Variants in TRPM1 observed in about 807,000 individuals in gnomAD.
TRPM1 encodes the protein transient receptor potential cation channel subfamily M member 1.
TRPM1 carries 113 observed loss-of-function variants against 149.4 expected under a neutral mutation model. The ratio of observed to expected loss-of-function variants is 0.76; its 90% CI spans 0.65 to 0.88. The LOEUF (loss-of-function observed/expected upper bound fraction) is 0.88, where lower values mean the gene tolerates loss of function less well. Ranked by LOEUF, TRPM1 falls within the 40% of genes least tolerant of loss-of-function variation. The pLI is 0.00. For missense variants in TRPM1, 1,976 were observed against 2,038.7 expected (o/e 0.97, Z 0.59); for synonymous variants, 741 against 759.5 (o/e 0.98, Z 0.40).
chr15:31,026,164 C>G lies in TRPM1; in HGVS notation c.3604G>C (p.Glu1202Gln), dbSNP rs1476697737. The G allele has an allele frequency of 6.2e-7, 1 of 1,611,968 alleles. No individual in the cohort carries two copies. Among genetic ancestry groups the G allele is most frequent in the African/African-American group, 1.3e-5 (1 of 74,934 alleles). Reference sequence around the variant, plus strand: ...CTTTCAGAAGTGACCCGGATGCGCTCGTCGCTGGACGACTGCTGCTCATCC... The same window carrying G: ...CTTTCAGAAGTGACCCGGATGCGCTGGTCGCTGGACGACTGCTGCTCATCC... ...KEDEQQSSSD[E>Q]RIRVTSERVE... The change falls in exon 27 of 28, where the codon GAG becomes CAG. Residue 1202 changes from glutamate to glutamine, a missense_variant. By Grantham distance (29) the Glu-to-Gln change is conservative. Around this residue, in one of 3 missense-constraint regions of TRPM1, gnomAD observed 572 missense variants for 578.9 expected, o/e 0.99. Coordinates refer to ENST00000256552, the MANE Select transcript of TRPM1 (RefSeq NM_001252024.2).
At chr15:31,113,465 G>A (rs4779825) in intron 1 of TRPM1, among the ~76,000 whole-genome samples, 61,675 of 151,374 alleles carry the variant, frequency 0.41, 13,209 homozygotes, top group East Asian at 0.73. Context: ...AAGGTATAGA[G>A]ATAAAAATGG....
intron 1 of TRPM1, among the ~76,000 whole-genome samples, chr15:31,108,302 C>A (rs1361596871): frequency 2.0e-5 from 3 of 152,094 alleles, no homozygotes; most frequent in Admixed American, 2.0e-4. Context: ...GGTCCATGTG[C>A]ACATGATAAG....
chr15:31,097,888 A>C (rs1200420912), intron 1 of TRPM1, among the ~76,000 whole-genome samples: 1 of 152,228 alleles, frequency 6.6e-6, no homozygotes, highest in Non-Finnish European at 1.5e-5. Flanking sequence ...ATGAGAGCTG[A>C]AAACGAGGTG....
At chr15:31,019,793 A>C (rs915764590) in intron 27 of TRPM1, among the ~76,000 whole-genome samples, 18 of 151,432 alleles carry the variant, frequency 1.2e-4, no homozygotes, top group African/African-American at 4.1e-4. Context: ...TTGGCCTCCC[A>C]AAGTGCTGGG....
upstream of TRPM1, among the ~76,000 whole-genome samples, chr15:31,105,815 C>T (rs1346649689): frequency 2.6e-5 from 4 of 152,120 alleles, no homozygotes; most frequent in East Asian, 1.9e-4. Context: ...ACAGCGAGTT[C>T]GGGGAACACA....
Position 31,029,363 on chromosome 15 carries a change from A to G in TRPM1, c.3148+8T>C, listed in dbSNP as rs1353867377. ...TAGACTAGAATAATCAATTCCATGT[A>G]AACTTACGATTAATTTCCATGGCGT... On this transcript the variant is annotated splice_region_variant and intron_variant, in intron 24 of 27. Transcript: ENST00000256552. 1 of 1,613,702 alleles carries G rather than the reference A, an allele frequency of 6.2e-7. No homozygotes were observed. The highest frequency in any genetic ancestry group is 1.1e-5 in the South Asian group (1 of 91,070).
At chr15:31,129,751 T>C (rs528684909) in intron 1 of TRPM1, among the ~76,000 whole-genome samples, 5 of 152,204 alleles carry the variant, frequency 3.3e-5, no homozygotes, top group African/African-American at 4.8e-5. Context: ...TTTGGGGGCA[T>C]CTGACACCCG....
chr15:31,102,336 G>T (rs954039386), upstream of TRPM1, among the ~76,000 whole-genome samples: 5 of 152,214 alleles, frequency 3.3e-5, no homozygotes, highest in African/African-American at 1.2e-4. Context: ...CAGTATGCGT[G>T]GTTATTCCAG....
chr15:31,112,081 A>T (rs553254751), intron 1 of TRPM1, among the ~76,000 whole-genome samples: 5 of 152,364 alleles, frequency 3.3e-5, no homozygotes, highest in African/African-American at 1.2e-4. Context: ...AAAGGTAGAG[A>T]GTGTGAGCAT....
chr15:31,066,944 T>C, intron 6 of TRPM1, 119 bp downstream of exon 6: 6 of 1,331,688 alleles, frequency 4.5e-6, no homozygotes, highest in Non-Finnish European at 6.4e-6. Context: ...ATTGGAGGAA[T>C]GGGAAAGGCT....
intron 27 of TRPM1, among the ~76,000 whole-genome samples, chr15:31,021,419 G>A (rs540237115): frequency 1.3e-5 from 2 of 152,238 alleles, no homozygotes; most frequent in South Asian, 2.1e-4. Context: ...TCCAGGATGG[G>A]GCATGATGTC....
chr15:31,085,030 A>G (rs1421275472), intron 1 of TRPM1, among the ~76,000 whole-genome samples: 1 of 152,106 alleles, frequency 6.6e-6, no homozygotes, highest in Non-Finnish European at 1.5e-5. Flanking sequence ...TATGGCTAGG[A>G]AAAAAGGAAG....
At chr15:31,042,842 C>T (rs1326176286) in intron 16 of TRPM1, among the ~76,000 whole-genome samples, 1 of 152,176 alleles carries the variant, frequency 6.6e-6, no homozygotes, top group East Asian at 1.9e-4. Flanking sequence ...GAGAACTGTT[C>T]TGTGAATGGA....
intron 7 of TRPM1, 85 bp from the exon 8 acceptor site, chr15:31,063,377 G>A: frequency 1.3e-6 from 2 of 1,545,444 alleles, no homozygotes; most frequent in Non-Finnish European, 1.8e-6. Context: ...ATGGGGAAGA[G>A]TAAAAACATT....
At chr15:31,105,139 A>G (rs2035585609), upstream of TRPM1, among the ~76,000 whole-genome samples, 1 of 152,196 alleles carries the variant, frequency 6.6e-6, no homozygotes, top group Non-Finnish European at 1.5e-5. Context: ...TATTTGATGC[A>G]TTTAAATCCA....
At chr15:31,043,477 C>T (rs1017314367) in intron 16 of TRPM1, among the ~76,000 whole-genome samples, 1 of 152,164 alleles carries the variant, frequency 6.6e-6, no homozygotes, top group Non-Finnish European at 1.5e-5. Flanking sequence ...TAGCCATGAG[C>T]CACCACGCCC....
intron 1 of TRPM1, among the ~76,000 whole-genome samples, chr15:31,137,019 C>T (rs917477642): frequency 2.6e-5 from 4 of 152,174 alleles, no homozygotes; most frequent in Non-Finnish European, 5.9e-5. Flanking sequence ...TCCCTGTCTT[C>T]CTCATGGAGT....
At chr15:31,072,955 A>G (rs2034598480) in intron 3 of TRPM1, among the ~76,000 whole-genome samples, 1 of 152,020 alleles carries the variant, frequency 6.6e-6, no homozygotes, top group Non-Finnish European at 1.5e-5. Flanking sequence ...ATTTTCTCCC[A>G]TTCTGTGGGT....
chr15:31,060,370 T>C, intron 11 of TRPM1, 174 bp downstream of exon 11: 1 of 663,072 alleles, frequency 1.5e-6, no homozygotes, highest in South Asian at 1.7e-5. Flanking sequence ...TTACTTCTTG[T>C]TGGTTCTTTG....
Sources: gnomAD v4.1 joint callset for allele counts (sites outside exome capture counted in the v4.1 genomes callset) on GRCh38, gnomAD v4.1.1 for gene constraint, gnomAD v4.1.1 regional missense constraint, MANE v1.5 for transcripts, NCBI Gene and HGNC (gene_info 2026-07-23, HGNC 2026-07-21) for gene names.